Variants in IMMT observed in about 807,000 individuals in gnomAD.
The protein encoded by IMMT is inner membrane mitochondrial protein.
A neutral mutation model predicts 92.7 loss-of-function variants in IMMT; 40 were observed. That is an observed-to-expected ratio of 0.43 (90% CI 0.34 to 0.56). IMMT has a LOEUF of 0.56. Among genes scored for constraint, IMMT ranks in the 20% least tolerant of loss-of-function variants. The pLI is 0.03. For synonymous variants in IMMT, 322 were observed against 336.1 expected, an observed-to-expected ratio of 0.96 and a Z score of 0.46; for missense variants, 831 against 912.1, an observed-to-expected ratio of 0.91 and a Z score of 1.14.
At chr2:86,181,522 A>T in intron 1 of IMMT, 150 bp from the exon 2 acceptor site, 2 of 609,854 alleles carry the variant, frequency 3.3e-6, no homozygotes, top group Non-Finnish European at 5.8e-6. Context: ...CATGAACCAT[A>T]TTTATAGATT....
At chr2:86,145,494 C>CAAAAAA (rs10554362) in intron 14 of IMMT, among the ~76,000 whole-genome samples, 36 of 76,270 alleles carry the variant, frequency 4.7e-4, no homozygotes, top group East Asian at 1.7e-3. Context: ...GACTCTGTCT[C>CAAAAAA]AAAAAAAAAA....
At chr2:86,145,494 C>CAAAAAAA (rs10554362) in intron 14 of IMMT, among the ~76,000 whole-genome samples, 6 of 76,302 alleles carry the variant, frequency 7.9e-5, no homozygotes, top group East Asian at 5.7e-4. Flanking sequence ...GACTCTGTCT[C>CAAAAAAA]AAAAAAAAAA....
intron 7 of IMMT, among the ~76,000 whole-genome samples, chr2:86,163,135 A>G (rs1676414420): frequency 6.6e-6 from 1 of 152,018 alleles, no homozygotes; most frequent in South Asian, 2.1e-4. Flanking sequence ...CAGCCTGAAC[A>G]ACATAGTGAG....
chr2:86,177,409 C>T (rs941434465), intron 3 of IMMT, among the ~76,000 whole-genome samples: 1 of 151,894 alleles, frequency 6.6e-6, no homozygotes, highest in Admixed American at 6.6e-5. Context: ...TTAAGACCAG[C>T]CTGGCCAACA....
At chr2:86,152,669 G>C (rs891732169) in intron 11 of IMMT, among the ~76,000 whole-genome samples, 1 of 151,984 alleles carries the variant, frequency 6.6e-6, no homozygotes, top group Non-Finnish European at 1.5e-5. Flanking sequence ...GCTGAGGCAC[G>C]AGAATTGCCT....
intron 1 of IMMT, among the ~76,000 whole-genome samples, chr2:86,187,538 TAA>T (rs986635309): frequency 6.6e-6 from 1 of 152,242 alleles, no homozygotes; most frequent in African/African-American, 2.4e-5. Context: ...AATATTCATC[TAA>T]AAGTTTTTGT....
intron 7 of IMMT, among the ~76,000 whole-genome samples, chr2:86,165,752 A>ATAAAT (rs61032658): frequency 0.59 from 88,769 of 151,480 alleles, 26,244 homozygotes; most frequent in African/African-American, 0.65. Context: ...AGTGTTTCGC[A>ATAAAT]TAAATAATCA....
intron 1 of IMMT, among the ~76,000 whole-genome samples, chr2:86,189,700 C>T (rs1317317205): frequency 6.6e-6 from 1 of 152,146 alleles, no homozygotes. Flanking sequence ...CATAAGGACT[C>T]CTCCCACACA....
intron 1 of IMMT, among the ~76,000 whole-genome samples, chr2:86,185,991 TG>T (rs1397474089): frequency 6.6e-6 from 1 of 152,228 alleles, no homozygotes; most frequent in Admixed American, 6.5e-5. Context: ...GTGACTGCTG[TG>T]TGCCTCTTAG....
At chr2:86,171,033 ATCT>A (rs917605708) in intron 5 of IMMT, among the ~76,000 whole-genome samples, 172 bp downstream of exon 5, 1 of 152,234 alleles carries the variant, frequency 6.6e-6, no homozygotes, top group Non-Finnish European at 1.5e-5. Flanking sequence ...TCAGGCTTTA[ATCT>A]TCTTGTTTAA....
chr2:86,144,976 CAT>C (rs1674883224), intron 14 of IMMT, 95 bp from the exon 15 acceptor site: 3 of 1,392,568 alleles, frequency 2.2e-6, no homozygotes, highest in Admixed American at 2.5e-5. Flanking sequence ...TACATCTACA[CAT>C]GTGCAAGATG....
chr2:86,148,955 G>A (rs1316877782), intron 12 of IMMT, among the ~76,000 whole-genome samples: 1 of 152,192 alleles, frequency 6.6e-6, no homozygotes, highest in Non-Finnish European at 1.5e-5. Flanking sequence ...TAGGGCAGAC[G>A]AACTTCTTGC....
At chr2:86,184,189 G>C (rs1286994185) in intron 1 of IMMT, among the ~76,000 whole-genome samples, 3 of 151,534 alleles carry the variant, frequency 2.0e-5, no homozygotes, top group Admixed American at 6.6e-5. Flanking sequence ...TTTTTTAAGA[G>C]ACTGAGTCTT....
At chr2:86,156,948 T>G (rs756039247) in intron 10 of IMMT, among the ~76,000 whole-genome samples, 1 of 152,108 alleles carries the variant, frequency 6.6e-6, no homozygotes, top group Non-Finnish European at 1.5e-5. Context: ...GGTACAGTGG[T>G]TTGTGGAGGA....
chr2:86,145,570 A>G (rs1016868849), intron 14 of IMMT, among the ~76,000 whole-genome samples: 3 of 151,706 alleles, frequency 2.0e-5, no homozygotes, highest in Non-Finnish European at 4.4e-5. Context: ...TTGAAATTCC[A>G]TGAGTATTGA....
Position 86,195,403 on chromosome 2 carries a change from T to G in IMMT, c.-21A>C. The G allele has an allele frequency of 6.5e-7, 1 of 1,546,332 alleles. No homozygotes were observed. The highest frequency in any genetic ancestry group is 8.7e-7 in the Non-Finnish European group (1 of 1,145,008). On this transcript the variant is annotated 5_prime_UTR_variant, in exon 1 of 15. Transcript: ENST00000410111. ...AGCATCTCGGTCAAGCGGACGGCGC[T>G]GCTGGTGGACTCGAGCTGCCGCGGC...
Position 86,173,733 on chromosome 2 carries a change from C to T in IMMT, c.338G>A (p.Ser113Asn), listed in dbSNP as rs1231752033. Residue 113 changes from serine (S) to asparagine (N), a missense_variant, in exon 4 of 15, where the codon AGT becomes AAT. Transcript: ENST00000410111. ...SIQSGPLKIS[S>N]VSEVMKESKQ... ...AGATTCTTTCATTACTTCTGATACA[C>T]TAGAGATTTTTAGTGGACCCGACTG... 5 of 1,603,598 alleles carry T rather than the reference C, an allele frequency of 3.1e-6. No homozygotes were observed. The African/African-American group carries it at 5.3e-5, about 17-fold the overall frequency.
intron 1 of IMMT, among the ~76,000 whole-genome samples, chr2:86,185,854 T>C (rs1305188546): frequency 1.3e-5 from 2 of 152,190 alleles, no homozygotes; most frequent in Non-Finnish European, 2.9e-5. Flanking sequence ...ATAATTCAAG[T>C]GTAAAACCAG....
chr2:86,159,092 A>ATT (rs764807615), intron 9 of IMMT, among the ~76,000 whole-genome samples: 5 of 145,962 alleles, frequency 3.4e-5, no homozygotes, highest in Non-Finnish European at 6.0e-5. Flanking sequence ...AAAAAAAAAA[A>ATT]TTTTTTTTTT....
Sources: gnomAD v4.1 joint callset for allele counts (sites outside exome capture counted in the v4.1 genomes callset) on GRCh38, gnomAD v4.1.1 for gene constraint, MANE v1.5 for transcripts, NCBI Gene and HGNC (gene_info 2026-07-23, HGNC 2026-07-21) for gene names.